The following HDAC9 variants were observed in gnomAD, a reference collection of about 807,000 sequenced individuals.
HDAC9 encodes MEF-2 interacting transcription repressor (MITR) protein.
In HDAC9, 41 loss-of-function variants were observed where a neutral mutation model predicts 139.4. The ratio of observed to expected loss-of-function variants is 0.29; its 90% CI spans 0.23 to 0.38. The LOEUF (loss-of-function observed/expected upper bound fraction) is 0.38. Among genes scored for constraint, HDAC9 ranks in the 10% least tolerant of loss-of-function variants. The probability of loss-of-function intolerance (pLI) is 1.00; values close to 1 mark genes in which losing one functional copy is unlikely to be tolerated. For synonymous variants in HDAC9, 517 were observed against 476.2 expected, an observed-to-expected ratio of 1.09 and a Z score of -1.12; for missense variants, 1,147 against 1,297.0, an observed-to-expected ratio of 0.88 and a Z score of 1.78.
chr7:18,901,067 G>C (rs561036262), intron 22 of HDAC9, among the ~76,000 whole-genome samples: 2 of 151,976 alleles, frequency 1.3e-5, no homozygotes, highest in African/African-American at 4.8e-5. Flanking sequence ...TCTTTTCAAA[G>C]ATTGCTTAAG....
At chr7:18,688,131 C>T (rs1782409997) in intron 12 of HDAC9, among the ~76,000 whole-genome samples, 1 of 151,690 alleles carries the variant, frequency 6.6e-6, no homozygotes. Flanking sequence ...ATTTAGAATA[C>T]TATTTTTCTA....
intron 2 of HDAC9, among the ~76,000 whole-genome samples, chr7:18,218,589 G>A (rs561579018): frequency 2.0e-5 from 3 of 152,254 alleles, no homozygotes; most frequent in South Asian, 2.1e-4. Flanking sequence ...GGATCATTGG[G>A]CCATCTTGAA....
At chr7:18,414,790 T>C (rs1788894128) in intron 1 of HDAC9, among the ~76,000 whole-genome samples, 1 of 152,208 alleles carries the variant, frequency 6.6e-6, no homozygotes. Context: ...AGGCTCTTTG[T>C]TATTTTTGAA....
intron 1 of HDAC9, among the ~76,000 whole-genome samples, chr7:18,381,925 T>G (rs1785481965): frequency 1.3e-5 from 2 of 152,178 alleles, no homozygotes; most frequent in South Asian, 4.1e-4. Context: ...ATGAAAGACT[T>G]TAATGCCAGT....
chr7:18,863,905 G>A (rs1798294929), intron 21 of HDAC9, among the ~76,000 whole-genome samples: 1 of 152,176 alleles, frequency 6.6e-6, no homozygotes, highest in Non-Finnish European at 1.5e-5. Context: ...AATCTCCATG[G>A]CCACTGTGAG....
chr7:18,259,595 A>T (rs1795510760), intron 2 of HDAC9, among the ~76,000 whole-genome samples: 1 of 151,728 alleles, frequency 6.6e-6, no homozygotes, highest in Admixed American at 6.6e-5. Flanking sequence ...AAATTGCTGG[A>T]CTCAAGGGAT....
Position 18,996,127 on chromosome 7 carries a change from C to A in HDAC9, c.*65C>A. 1 of 1,215,876 alleles carries A rather than the reference C, an allele frequency of 8.2e-7. No homozygotes were observed. The highest frequency in any genetic ancestry group is 1.2e-6 in the Non-Finnish European group (1 of 840,410). The allele number at this position is 1,215,876 out of a possible 1,614,324, so 75.3% of individuals were successfully genotyped here. On this transcript the variant is annotated 3_prime_UTR_variant, in exon 26 of 26. Transcript: ENST00000686413. ...CATTGTGTATCCCCCCACCCCAGTACCCTCAGACATGTCTTGTCTGCTGCC... is the reference window on the plus strand; with the variant it reads ...CATTGTGTATCCCCCCACCCCAGTAACCTCAGACATGTCTTGTCTGCTGCC...
intron 24 of HDAC9, among the ~76,000 whole-genome samples, chr7:18,960,932 A>G (rs1319154225): frequency 3.9e-5 from 6 of 152,172 alleles, no homozygotes; most frequent in Admixed American, 3.3e-4. Context: ...TCATGGGGCT[A>G]TGTACACAAC....
At chr7:18,348,787 C>T (rs1782619101) in intron 1 of HDAC9, among the ~76,000 whole-genome samples, 1 of 152,062 alleles carries the variant, frequency 6.6e-6, no homozygotes, top group South Asian at 2.1e-4. Context: ...TCTTGCAACA[C>T]TATTAAAATT....
chr7:18,760,738 A>C (rs1157297561), intron 14 of HDAC9, among the ~76,000 whole-genome samples: 1 of 152,130 alleles, frequency 6.6e-6, no homozygotes, highest in African/African-American at 2.4e-5. Context: ...GACCCCCACC[A>C]ATCCTCCCTC....
intron 14 of HDAC9, among the ~76,000 whole-genome samples, chr7:18,760,648 G>A (rs894209098): frequency 1.3e-5 from 2 of 152,196 alleles, no homozygotes; most frequent in African/African-American, 4.8e-5. Context: ...AGTTCCATAA[G>A]TATTCATGAG....
intron 17 of HDAC9, among the ~76,000 whole-genome samples, chr7:18,824,092 A>AGAAGAAGAG (rs1795229002): frequency 6.8e-6 from 1 of 147,838 alleles, no homozygotes; most frequent in South Asian, 2.3e-4. Flanking sequence ...AAGAAGAACA[A>AGAAGAAGAG]GAACAAGAAG....
intron 1 of HDAC9, among the ~76,000 whole-genome samples, chr7:18,487,603 G>C (rs1043854057): frequency 6.6e-6 from 1 of 152,128 alleles, no homozygotes; most frequent in African/African-American, 2.4e-5. Flanking sequence ...TTAGTTATAT[G>C]CCATTGCTAT....
chr7:18,741,376 C>G (rs984918572), intron 13 of HDAC9, among the ~76,000 whole-genome samples: 5 of 152,188 alleles, frequency 3.3e-5, no homozygotes, highest in African/African-American at 1.2e-4. Flanking sequence ...TATGCTAAGT[C>G]TACTCTACCT....
At chr7:18,185,630 T>C (rs183559675) in intron 2 of HDAC9, among the ~76,000 whole-genome samples, 12 of 152,336 alleles carry the variant, frequency 7.9e-5, no homozygotes, top group Admixed American at 6.5e-4. Context: ...CCCTTTTTTT[T>C]CTCTTTGTAT....
At chr7:18,811,154 C>T (rs946612034) in intron 17 of HDAC9, among the ~76,000 whole-genome samples, 1 of 151,764 alleles carries the variant, frequency 6.6e-6, no homozygotes, top group Non-Finnish European at 1.5e-5. Flanking sequence ...TTTGCCTTAT[C>T]AGTCTGGCTA....
chr7:18,220,262 G>A (rs1440322246), intron 2 of HDAC9, among the ~76,000 whole-genome samples: 3 of 152,176 alleles, frequency 2.0e-5, no homozygotes, highest in African/African-American at 4.8e-5. Context: ...TTTTGCACCA[G>A]TGAAGAGTTT....
chr7:18,355,423 A>G lies in HDAC9; in HGVS notation c.-42+64908A>G, dbSNP rs527249476. Among the ~76,000 whole-genome samples, 4 of 152,318 alleles carry G rather than the reference A, an allele frequency of 2.6e-5. No homozygotes were observed. In the South Asian group the frequency reaches 8.3e-4, roughly 32 times the overall value. Reference sequence around the variant, plus strand: ...CAGATATTCAAAACGGAGACTTTTAATAAGTTCATTATTAAAGAAGTGAAT... The same window carrying G: ...CAGATATTCAAAACGGAGACTTTTAGTAAGTTCATTATTAAAGAAGTGAAT... On this transcript the variant is annotated intron_variant, in intron 1 of 3. Transcript: ENST00000413509.
chr7:18,131,291 A>C (rs76002786), intron 1 of HDAC9, among the ~76,000 whole-genome samples: 1 of 152,156 alleles, frequency 6.6e-6, no homozygotes, highest in African/African-American at 2.4e-5. Flanking sequence ...TCAGTGCCCA[A>C]TATTTGTTAG....
Sources: gnomAD v4.1 joint callset for allele counts (sites outside exome capture counted in the v4.1 genomes callset) on GRCh38, gnomAD v4.1.1 for gene constraint, MANE v1.5 for transcripts, NCBI Gene and HGNC (gene_info 2026-07-23, HGNC 2026-07-21) for gene names.